ERC2: variants seen among roughly 807,000 people sequenced by gnomAD.
The protein encoded by ERC2 is ERC protein 2.
A neutral mutation model predicts 114.8 loss-of-function variants in ERC2; 42 were observed. That is an observed-to-expected ratio of 0.37 (90% CI 0.29 to 0.47). The LOEUF is 0.47. Ranked by LOEUF, ERC2 falls within the 20% of genes least tolerant of loss-of-function variation. The pLI is 0.99. For missense variants in ERC2, 939 were observed against 1,150.7 expected (o/e 0.82, Z 2.66); for synonymous variants, 454 against 425.5 (o/e 1.07, Z -0.82).
chr3:56,323,644 C>G (rs970685440), intron 2 of ERC2, among the ~76,000 whole-genome samples: 1 of 152,162 alleles, frequency 6.6e-6, no homozygotes, highest in Non-Finnish European at 1.5e-5. Context: ...CAATAGATAA[C>G]TGATAAACAA....
At chr3:55,977,664 G>A (rs886255205) in intron 12 of ERC2, among the ~76,000 whole-genome samples, 6 of 152,296 alleles carry the variant, frequency 3.9e-5, no homozygotes, top group East Asian at 1.9e-4. Flanking sequence ...TGTAGAGGAC[G>A]AGTGGTAAAA....
At chr3:55,956,334 T>A (rs973506732) in intron 12 of ERC2, among the ~76,000 whole-genome samples, 1 of 152,154 alleles carries the variant, frequency 6.6e-6, no homozygotes, top group African/African-American at 2.4e-5. Context: ...GATCCTGAAA[T>A]GACTGCTCAA....
At chr3:55,796,513 C>T (rs2070506188) in intron 14 of ERC2, among the ~76,000 whole-genome samples, 1 of 152,144 alleles carries the variant, frequency 6.6e-6, no homozygotes, top group Admixed American at 6.5e-5. Flanking sequence ...GCAACCTCTG[C>T]CCCCTGGGTT....
chr3:55,898,303 C>T (rs1380377364), intron 13 of ERC2, among the ~76,000 whole-genome samples: 1 of 152,066 alleles, frequency 6.6e-6, no homozygotes. Flanking sequence ...ATATCTCGAG[C>T]AGCTGGGAGG....
At chr3:56,208,066 G>A (rs1226089729) in intron 3 of ERC2, among the ~76,000 whole-genome samples, 2 of 152,222 alleles carry the variant, frequency 1.3e-5, no homozygotes, top group Non-Finnish European at 2.9e-5. Flanking sequence ...AAAGTCGACT[G>A]TAGTAATTTG....
At chr3:55,817,455 G>A (rs891974410) in intron 14 of ERC2, among the ~76,000 whole-genome samples, 2 of 152,160 alleles carry the variant, frequency 1.3e-5, no homozygotes, top group African/African-American at 2.4e-5. Context: ...AGGGATGGGC[G>A]GCCTTCAGCT....
intron 7 of ERC2, among the ~76,000 whole-genome samples, chr3:56,024,598 G>A (rs958119459): frequency 6.6e-6 from 1 of 152,218 alleles, no homozygotes; most frequent in African/African-American, 2.4e-5. Context: ...AAGGCATACA[G>A]CCCAACTGCA....
intron 7 of ERC2, among the ~76,000 whole-genome samples, chr3:56,032,885 A>AAGAAAGAAAGAAAGAAAGAAAG (rs1553781723): frequency 3.8e-5 from 3 of 79,172 alleles, no homozygotes; most frequent in East Asian, 4.3e-4. Context: ...GAAAGAAAGA[A>AAGAAAGAAAGAAAGAAAGAAAG]AGAGAGAGAG....
intron 2 of ERC2, among the ~76,000 whole-genome samples, chr3:56,396,143 T>C (rs1434279365): frequency 3.3e-5 from 5 of 152,176 alleles, no homozygotes; most frequent in South Asian, 2.1e-4. Context: ...AATTTGGCAA[T>C]AGCTATTAAA....
chr3:55,970,200 AAAC>A (rs2069058203), intron 12 of ERC2, among the ~76,000 whole-genome samples: 1 of 152,202 alleles, frequency 6.6e-6, no homozygotes, highest in African/African-American at 2.4e-5. Context: ...ATTTATTTGT[AAAC>A]AACATGTTTA....
At chr3:56,088,674 T>C (rs1350121066) in intron 6 of ERC2, among the ~76,000 whole-genome samples, 20 of 152,182 alleles carry the variant, frequency 1.3e-4, no homozygotes, top group Admixed American at 1.2e-3. Context: ...CAACATCCTC[T>C]GCAATGCAAA....
In ERC2 at chr3:55,720,124, CTTCTTCCTCTTCTTCTTCCTCTTCTT is replaced by C. The variant is rs2064386030; in HGVS notation, c.2712+14621_2712+14646del. Among the ~76,000 whole-genome samples the C allele has an allele frequency of 9.9e-5, 2 of 20,150 alleles. 1 individual carries two copies. The highest frequency in any genetic ancestry group is 7.5e-4 in the African/African-American group (2 of 2,678). The allele number at this position is 20,150 out of a possible 152,430, so 13.2% of individuals were successfully genotyped here. A position where few individuals can be genotyped will look rare whatever the true frequency, so the allele number is the denominator to read the frequency against. ...CATCCCCCTCCTCCTCCTCCTCCTT[CTTCTTCCTCTTCTTCTTCCTCTTCTT>C]CTTCTTCTTCTTCTTCTTCTTCTTC... On this transcript the variant is annotated intron_variant, in intron 15 of 17. Transcript: ENST00000288221.
chr3:56,235,224 T>C (rs2050865855), intron 3 of ERC2, among the ~76,000 whole-genome samples: 1 of 152,182 alleles, frequency 6.6e-6, no homozygotes. Flanking sequence ...ACCTACTCAA[T>C]TCCAAGCTGA....
chr3:55,895,722 G>A (rs924550406), intron 13 of ERC2, among the ~76,000 whole-genome samples: 17 of 152,144 alleles, frequency 1.1e-4, no homozygotes, highest in African/African-American at 3.4e-4. Flanking sequence ...TGGGAGGAAG[G>A]GGAGCACAAA....
intron 17 of ERC2, among the ~76,000 whole-genome samples, chr3:55,550,804 C>T (rs933861672): frequency 6.6e-6 from 1 of 152,038 alleles, no homozygotes; most frequent in Non-Finnish European, 1.5e-5. Flanking sequence ...ATCACGAGGT[C>T]AGGAGATCGA....
intron 4 of ERC2, among the ~76,000 whole-genome samples, chr3:56,159,316 T>C (rs1284220363): frequency 6.6e-6 from 1 of 152,146 alleles, no homozygotes; most frequent in Non-Finnish European, 1.5e-5. Flanking sequence ...AATGGAATAA[T>C]ATGGGAGGAA....
chr3:55,920,732 G>A (rs1021063697), intron 13 of ERC2, among the ~76,000 whole-genome samples: 2 of 152,106 alleles, frequency 1.3e-5, no homozygotes, highest in Non-Finnish European at 2.9e-5. Context: ...TAGAGCACGT[G>A]ATTCTGCAAA....
At chr3:55,988,477 A>G (rs1387254513) in intron 11 of ERC2, among the ~76,000 whole-genome samples, 1 of 152,248 alleles carries the variant, frequency 6.6e-6, no homozygotes, top group African/African-American at 2.4e-5. Flanking sequence ...TTTAAGAGGT[A>G]AATGCATTGT....
At chr3:56,028,790 G>T (rs1472851179) in intron 7 of ERC2, among the ~76,000 whole-genome samples, 1 of 152,018 alleles carries the variant, frequency 6.6e-6, no homozygotes, top group Non-Finnish European at 1.5e-5. Context: ...AAAAAAGGAT[G>T]ACACTTTTTT....
Sources: allele counts gnomAD v4.1 joint callset (sites outside exome capture counted in the v4.1 genomes callset), GRCh38; gene constraint gnomAD v4.1.1; transcripts MANE v1.5; gene names NCBI Gene and HGNC (gene_info 2026-07-23, HGNC 2026-07-21).